The following ADD3 variants were observed in gnomAD, a reference collection of about 807,000 sequenced individuals.
ADD3 encodes adducin 3.
ADD3 carries 25 observed loss-of-function variants against 80.2 expected under a neutral mutation model. The observed-to-expected ratio is 0.31, with a 90% confidence interval of 0.23 to 0.44. The LOEUF is 0.44. Among genes scored for constraint, ADD3 ranks in the 20% least tolerant of loss-of-function variants. The pLI is 1.00. For missense variants in ADD3, 829 were observed against 847.5 expected, an observed-to-expected ratio of 0.98 and a Z score of 0.27; for synonymous variants, 284 against 289.6, an observed-to-expected ratio of 0.98 and a Z score of 0.20.
At chr10:110,115,956 A>G (rs1335937128) in intron 3 of ADD3, among the ~76,000 whole-genome samples, 1 of 152,174 alleles carries the variant, frequency 6.6e-6, no homozygotes, top group Non-Finnish European at 1.5e-5. Flanking sequence ...TAACACTTTT[A>G]CCCTCGGAGA....
Position 110,126,180 on chromosome 10 carries a change from A to G in ADD3, c.1521+235A>G, listed in dbSNP as rs561167401. 6.6e-5 allele frequency among the ~76,000 whole-genome samples: 10 copies of G among 152,308 alleles called. No homozygotes were observed. The South Asian group carries it at 8.3e-4, about 13-fold the overall frequency. ...TTTTTCTGCGTTAGAGAACCCTGCT[A>G]TTAGGGGGAAAATGCAGTTCTCTAA... On this transcript the variant is annotated intron_variant, in intron 11 of 14. Transcript: ENST00000356080.
intron 12 of ADD3, among the ~76,000 whole-genome samples, chr10:110,127,028 T>C (rs1852261955): frequency 6.6e-6 from 1 of 152,236 alleles, no homozygotes; most frequent in South Asian, 2.1e-4. Flanking sequence ...AAAAAGTTCA[T>C]CTTAGAATTA....
chr10:110,094,586 A>C (rs920210530), intron 1 of ADD3, among the ~76,000 whole-genome samples: 2 of 151,856 alleles, frequency 1.3e-5, no homozygotes, highest in Non-Finnish European at 1.5e-5. Flanking sequence ...ATTTTTCTTC[A>C]TTTTTATCTA....
intron 1 of ADD3, among the ~76,000 whole-genome samples, chr10:110,015,626 G>A (rs573506005): frequency 2.6e-5 from 4 of 151,998 alleles, no homozygotes; most frequent in Middle Eastern, 3.4e-3. Flanking sequence ...CGTCCGCCTC[G>A]GCCTCCCAAA....
chr10:110,098,376 C>T (rs550101413), intron 1 of ADD3, among the ~76,000 whole-genome samples: 3 of 152,204 alleles, frequency 2.0e-5, no homozygotes, highest in East Asian at 3.9e-4. Flanking sequence ...AAAATCCTCC[C>T]CCAAAAATGT....
chr10:110,032,333 C>G (rs1431501929), intron 1 of ADD3, among the ~76,000 whole-genome samples: 3 of 152,128 alleles, frequency 2.0e-5, no homozygotes, highest in Non-Finnish European at 2.9e-5. Flanking sequence ...GATGTGATCA[C>G]AAATCATGAG....
At chr10:110,129,488 G>A (rs1005952503) in intron 12 of ADD3, among the ~76,000 whole-genome samples, 8 of 152,110 alleles carry the variant, frequency 5.3e-5, no homozygotes, top group African/African-American at 9.7e-5. Flanking sequence ...CTGCAGAGAT[G>A]AGAGAGAGGG....
chr10:110,059,768 C>CA (rs909472022), intron 1 of ADD3, among the ~76,000 whole-genome samples: 9 of 151,382 alleles, frequency 5.9e-5, no homozygotes, highest in African/African-American at 9.7e-5. Context: ...GACTCTGTCT[C>CA]AAAAAAAATA....
intron 1 of ADD3, among the ~76,000 whole-genome samples, chr10:110,088,693 A>C (rs1847109450): frequency 6.6e-6 from 1 of 152,242 alleles, no homozygotes; most frequent in Admixed American, 6.5e-5. Flanking sequence ...TTTAGCTTGA[A>C]TATCTGAAAT....
In ADD3 at chr10:110,081,002, A is replaced by G. The variant is rs1044474355; in HGVS notation, c.-29-19623A>G. Among the ~76,000 whole-genome samples, 15 of 152,274 alleles carry G rather than the reference A, an allele frequency of 9.9e-5. No homozygotes were observed. In the East Asian group the frequency reaches 2.7e-3, roughly 27 times the overall value. On this transcript the variant is annotated intron_variant, in intron 1 of 14. Transcript: ENST00000356080. ...CAGTTTTAGTTTCATAATTCAATCA[A>G]ATGACAGCTGTTCTAAAGATAAAAT...
chr10:110,065,646 C>T (rs1196852656), intron 1 of ADD3, among the ~76,000 whole-genome samples: 1 of 149,094 alleles, frequency 6.7e-6, no homozygotes, highest in Non-Finnish European at 1.5e-5. Context: ...TTCAAGTGAT[C>T]CTCCTGCCTC....
At chr10:110,048,598 C>CA in intron 1 of ADD3, among the ~76,000 whole-genome samples, 1 of 119,836 alleles carries the variant, frequency 8.3e-6, no homozygotes, top group East Asian at 1.9e-4. Flanking sequence ...GGTGACTCTT[C>CA]TGTGTTTTAG....
chr10:110,119,038 TTG>T (rs751527150), intron 6 of ADD3, among the ~76,000 whole-genome samples, 171 bp from the exon 7 acceptor site: 1 of 152,164 alleles, frequency 6.6e-6, no homozygotes, highest in African/African-American at 2.4e-5. Context: ...TAAGTCCTTT[TTG>T]TGTGTGTGTG....
chr10:110,087,369 G>C (rs935829437), intron 1 of ADD3, among the ~76,000 whole-genome samples: 1 of 152,082 alleles, frequency 6.6e-6, no homozygotes, highest in Non-Finnish European at 1.5e-5. Context: ...TTGCTTAAGT[G>C]AAAATATATT....
chr10:110,090,057 G>A (rs1275951258), intron 1 of ADD3, among the ~76,000 whole-genome samples: 1 of 152,000 alleles, frequency 6.6e-6, no homozygotes, highest in East Asian at 1.9e-4. Context: ...AAATCTGTTT[G>A]CCTCACTGTT....
intron 1 of ADD3, among the ~76,000 whole-genome samples, chr10:110,040,944 C>A (rs1463799046): frequency 1.0e-5 from 1 of 95,632 alleles, no homozygotes; most frequent in Non-Finnish European, 2.3e-5. Flanking sequence ...CTCTCTCTCT[C>A]GCTCTCTCTG....
At chr10:110,117,740 G>A (rs1850933083) in intron 5 of ADD3, among the ~76,000 whole-genome samples, 1 of 151,868 alleles carries the variant, frequency 6.6e-6, no homozygotes, top group African/African-American at 2.4e-5. Flanking sequence ...ACACGGCCAG[G>A]TGCAGTGGCT....
At chr10:110,074,745 C>G (rs911139534) in intron 1 of ADD3, among the ~76,000 whole-genome samples, 1 of 151,966 alleles carries the variant, frequency 6.6e-6, no homozygotes, top group Non-Finnish European at 1.5e-5. Context: ...TTAAATGAAA[C>G]AAATATTTGA....
At chr10:110,048,414 GGT>G (rs1857136639) in intron 1 of ADD3, among the ~76,000 whole-genome samples, 1 of 152,228 alleles carries the variant, frequency 6.6e-6, no homozygotes, top group Admixed American at 6.5e-5. Context: ...AACAGGCAGA[GGT>G]TGGAACCATT....
Sources: gnomAD v4.1 joint callset for allele counts (sites outside exome capture counted in the v4.1 genomes callset) on GRCh38, gnomAD v4.1.1 for gene constraint, MANE v1.5 for transcripts, NCBI Gene and HGNC (gene_info 2026-07-23, HGNC 2026-07-21) for gene names.